The following PDE2A variants were observed in gnomAD, a reference collection of about 807,000 sequenced individuals.
PDE2A encodes phosphodiesterase 2A.
In PDE2A, 53 loss-of-function variants were observed where a neutral mutation model predicts 133.6. That is an observed-to-expected ratio of 0.40 (90% CI 0.32 to 0.50). The LOEUF is 0.50. Ranked by LOEUF, PDE2A falls within the 20% of genes least tolerant of loss-of-function variation. PDE2A has a pLI of 0.73. For synonymous variants in PDE2A, 491 were observed against 490.2 expected, an observed-to-expected ratio of 1.00 and a Z score of -0.02; for missense variants, 796 against 1,232.4, an observed-to-expected ratio of 0.65 and a Z score of 5.30.
At chr11:72,660,612 G>A (rs796372094) in intron 1 of PDE2A, among the ~76,000 whole-genome samples, 20 of 152,246 alleles carry the variant, frequency 1.3e-4, no homozygotes, top group African/African-American at 4.3e-4. Flanking sequence ...GAACAAAGGT[G>A]GCAGAACTTG....
intron 1 of PDE2A, among the ~76,000 whole-genome samples, chr11:72,668,034 A>G (rs114603127): frequency 0.017 from 2,564 of 152,308 alleles, 82 homozygotes; most frequent in African/African-American, 0.059. Flanking sequence ...ATTCAGCCTA[A>G]GCTGCAAGAC....
At chr11:72,652,063 G>A (rs535977372) in intron 1 of PDE2A, among the ~76,000 whole-genome samples, 2 of 152,330 alleles carry the variant, frequency 1.3e-5, no homozygotes, top group African/African-American at 4.8e-5. Context: ...GGCCTGGCAG[G>A]GAAAAGGAAC....
At chr11:72,629,148 A>C (rs1858243512) in intron 2 of PDE2A, among the ~76,000 whole-genome samples, 1 of 152,236 alleles carries the variant, frequency 6.6e-6, no homozygotes, top group Non-Finnish European at 1.5e-5. Context: ...CAGCTCAAGG[A>C]AAGGCAGAGA....
At position 72,580,486 on chromosome 11, in the gene PDE2A, A is replaced by G. The variant is rs1855672822; in HGVS notation, c.2181+91T>C. ...AGCTCTCGCAGCCTGTCTGGAGAGC[A>G]TGGTTTGGGAATAGGAGGAGCTGGG... On this transcript the variant is annotated intron_variant, in intron 25 of 30. Transcript: ENST00000334456. 3.2e-6 allele frequency: 3 copies of G among 946,656 alleles called. No individual in the cohort carries two copies. The South Asian group carries it at 4.2e-5, about 13-fold the overall frequency. 58.6% of individuals were successfully genotyped at this position (946,656 alleles called of 1,614,324 possible). A position where few individuals can be genotyped will look rare whatever the true frequency, so the allele number is the denominator to read the frequency against.
At chr11:72,625,440 G>A (rs779408917) in intron 2 of PDE2A, among the ~76,000 whole-genome samples, 2 of 152,252 alleles carry the variant, frequency 1.3e-5, no homozygotes, top group Non-Finnish European at 2.9e-5. Context: ...ACGTGAAGCT[G>A]CTGAAAGCCT....
chr11:72,642,290 C>T lies in PDE2A; in HGVS notation c.108G>A (p.Pro36=). The T allele has an allele frequency of 6.6e-7, 1 of 1,519,516 alleles. No individual in the cohort carries two copies. Among genetic ancestry groups the T allele is most frequent in the Non-Finnish European group, 8.8e-7 (1 of 1,136,276 alleles). The allele number at this position is 1,519,516 out of a possible 1,614,324, so 94.1% of individuals were successfully genotyped here. A position where few individuals can be genotyped will look rare whatever the true frequency, so the allele number is the denominator to read the frequency against. ...GQQVFLKPDE[P]PPPPQPCADS... ...CGGCGCATGGCTGCGGCGGCGGCGG[C>T]GGCTCGTCCGGCTTGAGGAAGACCT... The change falls in exon 2 of 31, where the codon CCG becomes CCA. Residue 36 remains proline, a synonymous_variant. Transcript: ENST00000334456.
chr11:72,577,370 G>A lies in PDE2A; in HGVS notation c.*14C>T. ...TGGGAGGTGGCCTGGGCAGGGAAGT[G>A]TCCCTGGAGGGGATCACTCAGCATC... On this transcript the variant is annotated 3_prime_UTR_variant, in exon 31 of 31. Transcript: ENST00000334456. 6.3e-7 allele frequency: 1 copy of A among 1,599,864 alleles called. No individual in the cohort carries two copies. The highest frequency in any genetic ancestry group is 8.6e-7 in the Non-Finnish European group (1 of 1,169,054).
intron 2 of PDE2A, among the ~76,000 whole-genome samples, chr11:72,620,257 T>C (rs529883125): frequency 3.7e-4 from 57 of 152,172 alleles, no homozygotes; most frequent in South Asian, 1.5e-3. Context: ...AGAGGACACT[T>C]ACCCCTCCTC....
intron 2 of PDE2A, among the ~76,000 whole-genome samples, chr11:72,639,275 T>C (rs1858847870): frequency 2.0e-5 from 3 of 152,322 alleles, no homozygotes; most frequent in Admixed American, 2.0e-4. Flanking sequence ...TTCTCCTCCA[T>C]CTGACCTGGA....
intron 2 of PDE2A, among the ~76,000 whole-genome samples, chr11:72,635,574 T>C (rs964494834): frequency 6.6e-6 from 1 of 152,212 alleles, no homozygotes; most frequent in Non-Finnish European, 1.5e-5. Flanking sequence ...AGTCAAGGAA[T>C]GCTAGAATTG....
chr11:72,668,574 C>A (rs999232016), intron 1 of PDE2A: 1 of 669,840 alleles, frequency 1.5e-6, no homozygotes, highest in Non-Finnish European at 2.7e-6. Flanking sequence ...GCCCAGCACC[C>A]ACCAGGGCCG....
At chr11:72,611,823 T>C (rs1345598682) in intron 2 of PDE2A, among the ~76,000 whole-genome samples, 1 of 152,168 alleles carries the variant, frequency 6.6e-6, no homozygotes, top group African/African-American at 2.4e-5. Flanking sequence ...CAAGGCTTGC[T>C]CAAATGCCAT....
Position 72,597,482 on chromosome 11 carries a change from CT to C in PDE2A, c.433+27del. ...CCACAGTCCCTCCCTGCCCCTGCCC[CT>C]GCCCCTGCCCAGCCCCTAGCCCTTA... On this transcript the variant is annotated intron_variant, in intron 5 of 30. Coordinates refer to ENST00000334456, the MANE Select transcript of PDE2A (RefSeq NM_002599.5). This position sits in a 1 kb window ranked among gnomAD's most constrained non-coding sequence, Gnocchi z 4.6. The C allele has an allele frequency of 1.4e-6, 2 of 1,396,832 alleles. No individual in the cohort carries two copies. Among genetic ancestry groups the C allele is most frequent in the Non-Finnish European group, 2.0e-6 (2 of 995,736 alleles). The allele number at this position is 1,396,832 out of a possible 1,614,324, so 86.5% of individuals were successfully genotyped here.
intron 2 of PDE2A, among the ~76,000 whole-genome samples, chr11:72,620,261 C>T (rs1321139609): frequency 1.3e-5 from 2 of 152,128 alleles, no homozygotes; most frequent in Admixed American, 6.5e-5. Context: ...GACACTTACC[C>T]CTCCTCACTT....
chr11:72,619,199 T>G (rs1323804065), intron 2 of PDE2A, among the ~76,000 whole-genome samples: 11 of 152,184 alleles, frequency 7.2e-5, no homozygotes, highest in Non-Finnish European at 1.3e-4. Flanking sequence ...CCTCGGACCC[T>G]CTATACAATT....
At chr11:72,583,382 G>A in intron 20 of PDE2A, 56 bp downstream of exon 20, 2 of 1,213,098 alleles carry the variant, frequency 1.6e-6, no homozygotes, top group East Asian at 2.3e-5. Context: ...AGCCCTGCCT[G>A]GCCCTGGGTC....
intron 3 of PDE2A, among the ~76,000 whole-genome samples, chr11:72,607,781 T>C (rs1857038387): frequency 6.6e-6 from 1 of 152,132 alleles, no homozygotes; most frequent in Admixed American, 6.5e-5. Context: ...GAGGCTGCCC[T>C]TGGCCGGGTT....
At position 72,579,356 on chromosome 11, in the gene PDE2A, G is replaced by A; in HGVS notation, c.2284C>T (p.Arg762Trp). 6.2e-7 allele frequency: 1 copy of A among 1,613,710 alleles called. No homozygotes were observed. The highest frequency in any genetic ancestry group is 8.5e-7 in the Non-Finnish European group (1 of 1,179,816). Residue 762 changes from arginine (R) to tryptophan (W), a missense_variant, in exon 27 of 31, where the codon CGG (arginine) becomes TGG (tryptophan). Physicochemically the swap from Arg to Trp is moderately radical, Grantham distance 101. This residue lies in a region of PDE2A where 218 missense variants were observed against 465.9 expected (regional missense o/e 0.47). Coordinates refer to ENST00000334456, the MANE Select transcript of PDE2A (RefSeq NM_002599.5). ...AGGTCTGTGGCCAAGATGATGTCCC[G>A]CATCAGATCCAGCATGCGCTGATAG... ...KDYQRMLDLM[R>W]DIILATDLAH...
chr11:72,650,401 C>T lies in PDE2A; in HGVS notation c.72-8075G>A, dbSNP rs936261590. 9.9e-5 allele frequency among the ~76,000 whole-genome samples: 15 copies of T among 152,078 alleles called. 1 individual carries two copies. Among genetic ancestry groups the T allele is most frequent in the African/African-American group, 3.6e-4 (15 of 41,394 alleles). On this transcript the variant is annotated intron_variant, in intron 1 of 30. Coordinates refer to ENST00000334456, the MANE Select transcript of PDE2A (RefSeq NM_002599.5). The stretch of plus-strand genomic sequence containing the variant: ...CCCCATCCTTCTCTCTGAGTCTCCA[C>T]CCTCTCAAAAGGTCTCCCACCCACA...
Sources: allele counts gnomAD v4.1 joint callset (sites outside exome capture counted in the v4.1 genomes callset), GRCh38; gene constraint gnomAD v4.1.1; regional missense constraint gnomAD v4.1.1; non-coding constraint Gnocchi (gnomAD v3.1); transcripts MANE v1.5; gene names NCBI Gene and HGNC (gene_info 2026-07-23, HGNC 2026-07-21).